The following ATP10B variants were observed in gnomAD, a reference collection of about 807,000 sequenced individuals.
The protein encoded by ATP10B is ATPase phospholipid transporting 10B (putative).
ATP10B carries 122 observed loss-of-function variants against 141.2 expected under a neutral mutation model. The ratio of observed to expected loss-of-function variants is 0.86; its 90% CI spans 0.75 to 1.00. The LOEUF (loss-of-function observed/expected upper bound fraction) is 1.00, where lower values mean the gene tolerates loss of function less well. ATP10B is among the 50% of genes least tolerant of loss of function. The probability of loss-of-function intolerance (pLI) is 0.00; values close to 1 mark genes in which losing one functional copy is unlikely to be tolerated. For missense variants in ATP10B, 1,876 were observed against 1,825.3 expected (o/e 1.03, Z -0.51); for synonymous variants, 685 against 692.0 (o/e 0.99, Z 0.16).
the ATP10B span, among the ~76,000 whole-genome samples, chr5:160,875,417 C>A: frequency 8.8e-6 from 1 of 113,752 alleles, no homozygotes; most frequent in Admixed American, 8.9e-5. Context: ...CCAGTACCAG[C>A]CACTGCAAAA....
At chr5:160,585,037 AT>A (rs1350919890) in intron 24 of ATP10B, among the ~76,000 whole-genome samples, 2 of 152,230 alleles carry the variant, frequency 1.3e-5, no homozygotes, top group Non-Finnish European at 2.9e-5. Context: ...ATACATCCAG[AT>A]TTTTGATAAA....
In ATP10B at chr5:160,690,130, G is replaced by T. The variant is rs183218097; in HGVS notation, c.-204-1187C>A. 5.6e-3 allele frequency among the ~76,000 whole-genome samples: 847 copies of T among 152,234 alleles called. 6 individuals are homozygous for T. Among genetic ancestry groups the T allele is most frequent in the Non-Finnish European group, 7.7e-3 (522 of 68,016 alleles). On this transcript the variant is annotated intron_variant, in intron 3 of 25. Coordinates refer to ENST00000327245, the MANE Select transcript of ATP10B (RefSeq NM_025153.3). ...GAAAGGATTCCTTATTTAATAAATG[G>T]TGCTGGGAAAGCTGACTAGCCATAT...
chr5:160,868,366 A>G, the ATP10B span, among the ~76,000 whole-genome samples: 1 of 152,094 alleles, frequency 6.6e-6, no homozygotes, highest in Non-Finnish European at 1.5e-5. Context: ...AGTAAACACC[A>G]CAAGGTTGAC....
At chr5:160,716,221 A>G (rs1488604444) in intron 3 of ATP10B, among the ~76,000 whole-genome samples, 2 of 152,222 alleles carry the variant, frequency 1.3e-5, no homozygotes, top group Non-Finnish European at 2.9e-5. Flanking sequence ...ATATAATAGA[A>G]TATCTAATGG....
At chr5:160,630,709 T>G (rs1221725976) in intron 13 of ATP10B, among the ~76,000 whole-genome samples, 1 of 152,192 alleles carries the variant, frequency 6.6e-6, no homozygotes, top group Non-Finnish European at 1.5e-5. Flanking sequence ...AAAAAAACCA[T>G]GAAAATCTTC....
chr5:160,823,497 C>G (rs1295610610), intron 1 of ATP10B, among the ~76,000 whole-genome samples: 1 of 152,092 alleles, frequency 6.6e-6, no homozygotes, highest in Non-Finnish European at 1.5e-5. Flanking sequence ...CACACATTTA[C>G]CTATGTAACA....
chr5:160,794,809 G>C (rs1002061901), intron 1 of ATP10B, among the ~76,000 whole-genome samples: 4 of 152,150 alleles, frequency 2.6e-5, no homozygotes, highest in Non-Finnish European at 5.9e-5. Context: ...ACTTAAAGTA[G>C]TATCATTGCC....
chr5:160,753,588 TGCA>T (rs1464628515), intron 2 of ATP10B, among the ~76,000 whole-genome samples: 1 of 152,210 alleles, frequency 6.6e-6, no homozygotes, highest in African/African-American at 2.4e-5. Context: ...CTTAAGGGGC[TGCA>T]GGAGGGAGAA....
chr5:160,714,969 C>G (rs4374789), intron 3 of ATP10B, among the ~76,000 whole-genome samples: 1 of 96,054 alleles, frequency 1.0e-5, no homozygotes, highest in African/African-American at 3.9e-5. Flanking sequence ...GCAGTCTGCC[C>G]GTTCTCAGAT....
chr5:160,590,317 C>A (rs1756199695), intron 23 of ATP10B, among the ~76,000 whole-genome samples: 1 of 151,932 alleles, frequency 6.6e-6, no homozygotes, highest in Non-Finnish European at 1.5e-5. Context: ...GTATTGTAAG[C>A]CAGGAAGTTC....
chr5:160,913,852 C>T, the ATP10B span, among the ~76,000 whole-genome samples: 1 of 152,202 alleles, frequency 6.6e-6, no homozygotes, highest in Non-Finnish European at 1.5e-5. Flanking sequence ...TAGCAAATTG[C>T]AATTCCTGAA....
At chr5:160,700,763 G>T (rs1690818466) in intron 3 of ATP10B, among the ~76,000 whole-genome samples, 1 of 152,074 alleles carries the variant, frequency 6.6e-6, no homozygotes, top group South Asian at 2.1e-4. Flanking sequence ...CCCAAAGTAG[G>T]GAGGAATTTC....
rs1435255580 is a variant in ATP10B, at chr5:160,798,078, G to A, written c.-575-12275C>T. Among the ~76,000 whole-genome samples the A allele has an allele frequency of 5.9e-5, 9 of 152,258 alleles. No individual in the cohort carries two copies. In the South Asian group the frequency reaches 1.9e-3, roughly 32 times the overall value. ...TGACATTTAAACCAAGACTTGAAGG[G>A]TGAGAAGGATCCAGTCAAGCCAAGA... On this transcript the variant is annotated intron_variant, in intron 1 of 25. Coordinates refer to ENST00000327245, the MANE Select transcript of ATP10B (RefSeq NM_025153.3).
chr5:160,757,852 T>G (rs1462389274), intron 2 of ATP10B, among the ~76,000 whole-genome samples: 2 of 152,192 alleles, frequency 1.3e-5, no homozygotes, highest in Admixed American at 1.3e-4. Flanking sequence ...AAGGCTTTGT[T>G]GCAGGGAACT....
At chr5:160,864,041 A>G in the ATP10B span, among the ~76,000 whole-genome samples, 1 of 152,080 alleles carries the variant, frequency 6.6e-6, no homozygotes, top group East Asian at 1.9e-4. Flanking sequence ...TGCCAATCCT[A>G]CTGAAACTAT....
chr5:160,632,344 C>T lies in ATP10B; in HGVS notation c.1405G>A (p.Glu469Lys), dbSNP rs1430479846. Residue 469 changes from glutamate (E) to lysine (K), a missense_variant, in exon 13 of 26, where the codon GAG becomes AAG. Transcript: ENST00000327245. ...CACTCTTCACCATCTGAGTCCAGCT[C>T]CTTTGGGGTCTCCAGTCGCTTAGCT... Reference protein sequence around the residue: ...ENAKRLETPKELDSDGEEWTQ... With the variant: ...ENAKRLETPKKLDSDGEEWTQ... 1.9e-6 allele frequency: 3 copies of T among 1,614,142 alleles called. No individual in the cohort carries two copies. Among genetic ancestry groups the T allele is most frequent in the Non-Finnish European group, 2.5e-6 (3 of 1,180,006 alleles).
chr5:160,923,458 G>T, the ATP10B span, among the ~76,000 whole-genome samples: 1 of 152,152 alleles, frequency 6.6e-6, no homozygotes, highest in South Asian at 2.1e-4. Context: ...TAAGTGAAAA[G>T]GTATACATAT....
chr5:160,910,341 A>T, the ATP10B span, among the ~76,000 whole-genome samples: 2 of 152,180 alleles, frequency 1.3e-5, no homozygotes, highest in African/African-American at 4.8e-5. Flanking sequence ...CATAGTATTC[A>T]TCACTTTCTG....
At chr5:160,812,008 CAGAGACAGAGACAGAGAGAGAG>C (rs1773189089) in intron 1 of ATP10B, among the ~76,000 whole-genome samples, 1 of 67,380 alleles carries the variant, frequency 1.5e-5, no homozygotes, top group African/African-American at 4.2e-5. Context: ...GAGACAGAGA[CAGAGACAGAGACAGAGAGAGAG>C]AGAGAGAGAG....
Sources: allele counts gnomAD v4.1 joint callset (sites outside exome capture counted in the v4.1 genomes callset), GRCh38; gene constraint gnomAD v4.1.1; transcripts MANE v1.5; gene names NCBI Gene and HGNC (gene_info 2026-07-23, HGNC 2026-07-21).